Variants in FDFT1 observed in about 807,000 individuals in gnomAD.
FDFT1 encodes the protein squalene synthase.
FDFT1 carries 68 observed loss-of-function variants against 46.8 expected under a neutral mutation model. That is an observed-to-expected ratio of 1.45 (90% CI 1.19 to 1.78). The LOEUF is 1.78. Among genes scored for constraint, FDFT1 ranks in the 40% most tolerant of loss-of-function variants. The probability of loss-of-function intolerance (pLI) is 0.00; values close to 1 mark genes in which losing one functional copy is unlikely to be tolerated. For synonymous variants in FDFT1, 351 were observed against 185.1 expected (o/e 1.90, Z -7.28); for missense variants, 928 against 524.4 (o/e 1.77, Z -7.52).
rs1460600996 is a variant in FDFT1 at position 11,802,945 on chromosome 8, C to G, written c.99+14C>G. On this transcript the variant is annotated intron_variant, in intron 1 of 7. Transcript: ENST00000220584. ...AAGATGGACCAGGTGGGCCGAGCCT[C>G]CCTGCTTGCCCGGGGCGGGGAAGGA... is the stretch of plus-strand genomic sequence containing the variant. 6.3e-7 allele frequency: 1 copy of G among 1,587,664 alleles called. No individual in the cohort carries two copies. The highest frequency in any genetic ancestry group is 1.8e-5 in the Admixed American group (1 of 56,116).
intron 3 of FDFT1, among the ~76,000 whole-genome samples, chr8:11,812,204 C>T (rs1465424983): frequency 6.6e-6 from 1 of 152,222 alleles, no homozygotes; most frequent in African/African-American, 2.4e-5. Context: ...CTCGTGGGCT[C>T]TCCTTCTGTA....
intron 2 of FDFT1, chr8:11,809,218 C>G (rs1563302444): frequency 1.7e-6 from 2 of 1,189,666 alleles, no homozygotes; most frequent in African/African-American, 3.2e-5. Context: ...ATTTCTATTT[C>G]TAGCATATTG....
In FDFT1 at chr8:11,813,187, T is replaced by A. The variant is rs1807974346; in HGVS notation, c.381+3337T>A. Among the ~76,000 whole-genome samples, 2 of 152,180 alleles carry A rather than the reference T, an allele frequency of 1.3e-5. 1 individual carries two copies. The highest frequency in any genetic ancestry group is 1.3e-4 in the Admixed American group (2 of 15,280). ...TAAGGGCCCACCATTGTATTTCCAG[T>A]CTCCGTTGACTGAAACATCATTATA... is the stretch of plus-strand genomic sequence containing the variant. On this transcript the variant is annotated intron_variant, in intron 3 of 7. Coordinates refer to ENST00000220584, the MANE Select transcript of FDFT1 (RefSeq NM_004462.5).
intron 1 of FDFT1, 143 bp downstream of exon 1, chr8:11,803,074 G>A: frequency 6.9e-7 from 1 of 1,447,634 alleles, no homozygotes. Context: ...CCCTTTCCTC[G>A]AGCCTTCCCC....
chr8:11,814,702 T>G (rs1437952502), intron 3 of FDFT1, among the ~76,000 whole-genome samples: 1 of 152,216 alleles, frequency 6.6e-6, no homozygotes, highest in Non-Finnish European at 1.5e-5. Context: ...GAAAAAGTAT[T>G]GGGCAGCATG....
chr8:11,838,450 C>T lies in FDFT1; in HGVS notation c.1095C>T (p.Thr365=), dbSNP rs749754215. The T allele has an allele frequency of 1.1e-5, 17 of 1,608,688 alleles. No individual in the cohort carries two copies. Among genetic ancestry groups the T allele is most frequent in the Non-Finnish European group, 1.4e-5 (17 of 1,177,004 alleles). Residue 365 remains threonine (T), a synonymous_variant, in exon 8 of 8, where the codon ACC becomes ACT. Transcript: ENST00000220584. ...GCAAAACAAGGCAGATCATCTCCAC[C>T]ATCCGGACGCAGAATCTTCCCAACT... ...SSSKTRQIIS[T]IRTQNLPNCQ...
chr8:11,828,133 C>G (rs556971946), intron 5 of FDFT1, among the ~76,000 whole-genome samples: 1 of 151,590 alleles, frequency 6.6e-6, no homozygotes, highest in African/African-American at 2.4e-5. Context: ...AAAAAAAAAT[C>G]AAAAATTAGC....
chr8:11,808,675 G>T, intron 1 of FDFT1, 119 bp from the exon 2 acceptor site: 1 of 1,482,562 alleles, frequency 6.7e-7, no homozygotes, highest in Non-Finnish European at 9.0e-7. Context: ...TGGCCTCGGG[G>T]AGAGGGCGGC....
At chr8:11,818,860 G>A (rs534719318) in intron 3 of FDFT1, among the ~76,000 whole-genome samples, 1 of 152,268 alleles carries the variant, frequency 6.6e-6, no homozygotes, top group East Asian at 1.9e-4. Context: ...TATATTTAAG[G>A]TTAATATTGT....
At chr8:11,802,224 G>C, upstream of FDFT1, 2 of 393,672 alleles carry the variant, frequency 5.1e-6, no homozygotes, top group South Asian at 3.7e-5. Context: ...AAGACGCCCA[G>C]CTTGGCGCTG....
intron 3 of FDFT1, among the ~76,000 whole-genome samples, chr8:11,815,390 T>C (rs7818952): frequency 0.14 from 21,824 of 152,190 alleles, 1,720 homozygotes; most frequent in African/African-American, 0.18. Flanking sequence ...TGCCCAGTAA[T>C]GGGATTGCTG....
chr8:11,834,028 C>G (rs1811216370), intron 7 of FDFT1, among the ~76,000 whole-genome samples: 1 of 152,262 alleles, frequency 6.6e-6, no homozygotes, highest in African/African-American at 2.4e-5. Context: ...CACAAGTCGT[C>G]TGGCCTCTTG....
chr8:11,805,834 C>T (rs774116447), intron 1 of FDFT1, among the ~76,000 whole-genome samples: 1 of 152,138 alleles, frequency 6.6e-6, no homozygotes, highest in Non-Finnish European at 1.5e-5. Flanking sequence ...ACTAAAAATG[C>T]TAAATTCTGC....
chr8:11,837,463 C>G (rs114639990), intron 7 of FDFT1, among the ~76,000 whole-genome samples: 2,348 of 152,252 alleles, frequency 0.015, 64 homozygotes, highest in African/African-American at 0.052. Flanking sequence ...AACGCCTGAG[C>G]TTAAGCAGTC....
At chr8:11,832,754 C>G (rs1166917215) in intron 7 of FDFT1, among the ~76,000 whole-genome samples, 1 of 151,834 alleles carries the variant, frequency 6.6e-6, no homozygotes, top group African/African-American at 2.4e-5. Context: ...TGAGTAGAGG[C>G]CCAGGATGAT....
chr8:11,816,366 C>A (rs1411498894), intron 3 of FDFT1, among the ~76,000 whole-genome samples: 1 of 152,100 alleles, frequency 6.6e-6, no homozygotes, highest in Non-Finnish European at 1.5e-5. Flanking sequence ...TTTTTGCTTC[C>A]ATGTGAAATT....
intron 1 of FDFT1, chr8:11,808,562 G>T: frequency 7.3e-7 from 1 of 1,366,546 alleles, no homozygotes; most frequent in Non-Finnish European, 9.4e-7. Context: ...CCCTCTTCAA[G>T]CGCACCTTGG....
intron 3 of FDFT1, among the ~76,000 whole-genome samples, chr8:11,814,917 G>A (rs561402818): frequency 3.3e-5 from 5 of 151,800 alleles, no homozygotes; most frequent in East Asian, 3.9e-4. Context: ...TGTGCACAAC[G>A]TGCAGGTTTG....
chr8:11,808,434 G>A (rs1296404403), intron 1 of FDFT1: 2 of 1,268,410 alleles, frequency 1.6e-6, no homozygotes, highest in Admixed American at 4.1e-5. Flanking sequence ...CGAGTAGAGG[G>A]CGAGCCCGTC....
Sources: gnomAD v4.1 joint callset for allele counts (sites outside exome capture counted in the v4.1 genomes callset) on GRCh38, gnomAD v4.1.1 for gene constraint, MANE v1.5 for transcripts, NCBI Gene and HGNC (gene_info 2026-07-23, HGNC 2026-07-21) for gene names.